Variants in STRN observed in about 807,000 individuals in gnomAD.
STRN encodes striatin.
Under a neutral mutation model 96.3 loss-of-function variants are expected in STRN, and 53 were observed. That is an observed-to-expected ratio of 0.55 (90% CI 0.44 to 0.69). STRN has a LOEUF of 0.69. Ranked by LOEUF, STRN falls within the 30% of genes least tolerant of loss-of-function variation. The pLI, the probability that STRN is intolerant of heterozygous loss-of-function variation, is 0.00. For synonymous variants in STRN, 428 were observed against 355.9 expected (o/e 1.20, Z -2.28); for missense variants, 987 against 963.9 (o/e 1.02, Z -0.32).
At chr2:36,880,194 C>T (rs1415682255) in intron 9 of STRN, among the ~76,000 whole-genome samples, 1 of 152,246 alleles carries the variant, frequency 6.6e-6, no homozygotes, top group African/African-American at 2.4e-5. Flanking sequence ...TCTCAAACTC[C>T]TGACCTCAAG....
Position 36,899,539 on chromosome 2 carries a change from A to C in STRN, c.779T>G (p.Val260Gly). The C allele has an allele frequency of 1.2e-6, 2 of 1,612,330 alleles. No individual in the cohort carries two copies. Among genetic ancestry groups the C allele is most frequent in the Non-Finnish European group, 1.7e-6 (2 of 1,179,658 alleles). Residue 260 changes from valine to glycine, a missense_variant, in exon 6 of 18, where the codon GTC (valine) becomes GGC (glycine). Transcript: ENST00000263918. ...CTAACTCACTGTTGAAGTATCAATG[A>C]CGCTTTTCTCTCTTCCATCAACATC... ...DDDVDGREKSVIDTSTIVRKK... is the reference protein window; with the variant it reads ...DDDVDGREKSGIDTSTIVRKK...
intron 9 of STRN, among the ~76,000 whole-genome samples, chr2:36,878,812 G>A (rs1317190130): frequency 6.6e-6 from 1 of 151,888 alleles, no homozygotes; most frequent in East Asian, 1.9e-4. Context: ...GAGTGCAGTG[G>A]TGACATCTTG....
intron 7 of STRN, 53 bp from the exon 8 acceptor site, chr2:36,886,879 T>A: frequency 7.1e-7 from 1 of 1,411,036 alleles, no homozygotes; most frequent in South Asian, 1.3e-5. Context: ...TATTGAACAC[T>A]CTGAGTCAGT....
At chr2:36,911,435 G>A (rs929416524) in intron 3 of STRN, among the ~76,000 whole-genome samples, 2 of 152,016 alleles carry the variant, frequency 1.3e-5, no homozygotes, top group African/African-American at 4.8e-5. Flanking sequence ...GCACACTACT[G>A]CCTGCATGTC....
intron 1 of STRN, among the ~76,000 whole-genome samples, chr2:36,943,332 C>G (rs1183876226): frequency 1.3e-5 from 2 of 151,254 alleles, no homozygotes; most frequent in Admixed American, 6.6e-5. Flanking sequence ...GAAAGATAAG[C>G]AAAAACATCT....
chr2:36,859,888 T>C (rs550397437), intron 13 of STRN, among the ~76,000 whole-genome samples: 1 of 152,318 alleles, frequency 6.6e-6, no homozygotes, highest in African/African-American at 2.4e-5. Context: ...ACAATCTTGT[T>C]ACATGTAAGT....
At chr2:36,855,867 G>T (rs925691611) in intron 14 of STRN, among the ~76,000 whole-genome samples, 1 of 151,954 alleles carries the variant, frequency 6.6e-6, no homozygotes, top group Non-Finnish European at 1.5e-5. Context: ...AATACAGAAG[G>T]TATTTTTATT....
At chr2:36,925,654 T>C (rs1321824304) in intron 1 of STRN, among the ~76,000 whole-genome samples, 2 of 152,020 alleles carry the variant, frequency 1.3e-5, no homozygotes, top group Non-Finnish European at 2.9e-5. Flanking sequence ...GCACCTGTAA[T>C]CCCAGCTACT....
At chr2:36,932,555 AAAGAT>A (rs1670602316) in intron 1 of STRN, among the ~76,000 whole-genome samples, 3 of 152,336 alleles carry the variant, frequency 2.0e-5, no homozygotes, top group East Asian at 1.9e-4. Context: ...CATTTCAAAA[AAAGAT>A]AAGATGTGAA....
chr2:36,856,934 A>C (rs937409310), intron 14 of STRN, among the ~76,000 whole-genome samples: 2 of 151,778 alleles, frequency 1.3e-5, no homozygotes, highest in African/African-American at 4.8e-5. Context: ...TTCCACCATG[A>C]TTGTAAATTG....
intron 1 of STRN, among the ~76,000 whole-genome samples, chr2:36,947,095 A>G (rs997424409): frequency 1.3e-5 from 2 of 151,980 alleles, no homozygotes; most frequent in Admixed American, 6.6e-5. Flanking sequence ...ACAGGGTTTT[A>G]CCATGTTAGC....
At chr2:36,942,138 A>C (rs1670860997) in intron 1 of STRN, among the ~76,000 whole-genome samples, 1 of 152,162 alleles carries the variant, frequency 6.6e-6, no homozygotes, top group Non-Finnish European at 1.5e-5. Flanking sequence ...TCACTCACTG[A>C]TAAAGGAGAC....
At chr2:36,899,266 T>C (rs746276336) in intron 6 of STRN, among the ~76,000 whole-genome samples, 6 of 152,206 alleles carry the variant, frequency 3.9e-5, no homozygotes, top group Non-Finnish European at 7.3e-5. Context: ...TTTACTATAT[T>C]CATCTGCCCC....
chr2:36,872,909 C>A (rs531653054), intron 10 of STRN, among the ~76,000 whole-genome samples: 3 of 152,286 alleles, frequency 2.0e-5, no homozygotes, highest in Admixed American at 6.5e-5. Context: ...ATCCAGAGAA[C>A]AGAGAGGCCT....
intron 2 of STRN, among the ~76,000 whole-genome samples, chr2:36,920,781 A>C (rs954105532): frequency 8.6e-5 from 13 of 151,942 alleles, no homozygotes; most frequent in African/African-American, 2.9e-4. Flanking sequence ...TTTCCTAAAA[A>C]AAATAAGCAA....
At chr2:36,915,359 G>T (rs536850542) in intron 3 of STRN, among the ~76,000 whole-genome samples, 2 of 148,636 alleles carry the variant, frequency 1.3e-5, no homozygotes, top group South Asian at 2.1e-4. Flanking sequence ...AATTTAACCT[G>T]AAATTACGCC....
intron 12 of STRN, 110 bp downstream of exon 12, chr2:36,867,704 A>T (rs1192000727): frequency 1.5e-6 from 1 of 664,896 alleles, no homozygotes; most frequent in African/African-American, 1.9e-5. Flanking sequence ...TACATTAAAA[A>T]AACACTCCTA....
At chr2:36,912,114 C>T (rs1669977396) in intron 3 of STRN, among the ~76,000 whole-genome samples, 2 of 152,206 alleles carry the variant, frequency 1.3e-5, no homozygotes, top group Admixed American at 1.3e-4. Context: ...ACATGCTCCT[C>T]CTGCCATTCT....
At chr2:36,880,125 G>A (rs780986599) in intron 9 of STRN, among the ~76,000 whole-genome samples, 2 of 152,160 alleles carry the variant, frequency 1.3e-5, no homozygotes, top group Non-Finnish European at 2.9e-5. Context: ...CTGCCACCAT[G>A]CCTGGCTAAT....
Sources: allele counts gnomAD v4.1 joint callset (sites outside exome capture counted in the v4.1 genomes callset), GRCh38; gene constraint gnomAD v4.1.1; transcripts MANE v1.5; gene names NCBI Gene and HGNC (gene_info 2026-07-23, HGNC 2026-07-21).